Variants in NIPSNAP1 observed in about 807,000 individuals in gnomAD.
The protein encoded by NIPSNAP1 is nipsnap homolog 1.
A neutral mutation model predicts 49.2 loss-of-function variants in NIPSNAP1; 25 were observed. The observed-to-expected ratio is 0.51, with a 90% CI of 0.37 to 0.71. The LOEUF (loss-of-function observed/expected upper bound fraction) is 0.71, where lower values mean the gene tolerates loss of function less well. NIPSNAP1 is among the 30% of genes least tolerant of loss of function. The pLI is 0.00. For synonymous variants in NIPSNAP1, 143 were observed against 140.7 expected, an observed-to-expected ratio of 1.02 and a Z score of -0.12; for missense variants, 294 against 361.0, an observed-to-expected ratio of 0.81 and a Z score of 1.50.
At chr22:29,576,873 C>T (rs1307981648) in intron 1 of NIPSNAP1, among the ~76,000 whole-genome samples, 2 of 149,724 alleles carry the variant, frequency 1.3e-5, no homozygotes, top group African/African-American at 2.5e-5. Context: ...TGCAGTGAGC[C>T]GAAATCGCGC....
chr22:29,578,929 A>G (rs2064475580), intron 1 of NIPSNAP1, among the ~76,000 whole-genome samples: 1 of 151,202 alleles, frequency 6.6e-6, no homozygotes, highest in Admixed American at 6.6e-5. Flanking sequence ...TGGAAAACAA[A>G]GGGCTCATAA....
intron 1 of NIPSNAP1, among the ~76,000 whole-genome samples, chr22:29,571,111 CCT>C (rs1204079444): frequency 1.3e-5 from 2 of 152,180 alleles, no homozygotes; most frequent in African/African-American, 4.8e-5. Context: ...ATGTCCCCAC[CCT>C]GACCCCACAC....
chr22:29,555,751 G>A lies in NIPSNAP1; in HGVS notation c.*184C>T, dbSNP rs1467421348. On this transcript the variant is annotated 3_prime_UTR_variant, in exon 10 of 10. Transcript: ENST00000216121. ...GGGAGGCAGGCAGGGAAAGTAGAAA[G>A]GGCCTGGGCAGAGCTGTAATCCTCA... is the stretch of plus-strand genomic sequence containing the variant. The A allele has an allele frequency of 1.3e-5, 8 of 625,792 alleles. No homozygotes were observed. Among genetic ancestry groups the A allele is most frequent in the Non-Finnish European group, 2.3e-5 (8 of 340,658 alleles). 38.8% of individuals were successfully genotyped at this position (625,792 alleles called of 1,614,324 possible).
chr22:29,570,966 C>T (rs963531588), intron 1 of NIPSNAP1, among the ~76,000 whole-genome samples: 1 of 152,064 alleles, frequency 6.6e-6, no homozygotes, highest in Non-Finnish European at 1.5e-5. Flanking sequence ...CACCTGTACA[C>T]CTCACTCTCC....
intron 1 of NIPSNAP1, among the ~76,000 whole-genome samples, chr22:29,574,279 A>G (rs2348680): frequency 0.37 from 35,754 of 95,516 alleles, 6,207 homozygotes; most frequent in East Asian, 0.48. Context: ...AAAAAAAAAA[A>G]AAAAAAAAAA....
intron 4 of NIPSNAP1, among the ~76,000 whole-genome samples, chr22:29,563,073 TG>T (rs1369887542): frequency 1.0e-4 from 15 of 149,176 alleles, no homozygotes; most frequent in African/African-American, 3.7e-4. Flanking sequence ...CACTCCAGCC[TG>T]GACAACAGAG....
rs745429911 is a variant in NIPSNAP1, at chr22:29,570,514, A to G, written c.117T>C (p.Asn39=). The G allele has an allele frequency of 7.4e-6, 12 of 1,613,710 alleles. No homozygotes were observed. The East Asian group carries it at 2.5e-4, about 33-fold the overall frequency. ...AGAGGGAGCGGAACCAGCTGCCTTC[A>G]TTGTCCTTGGAATAGAAACTGCAGG... ...AAAARFYSKD[N]EGSWFRSLFV... The change falls in exon 2 of 10, where the codon AAT becomes AAC. Residue 39 remains asparagine (N), a synonymous_variant. Transcript: ENST00000216121.
intron 1 of NIPSNAP1, among the ~76,000 whole-genome samples, chr22:29,576,690 C>T (rs1351130423): frequency 2.0e-5 from 3 of 151,376 alleles, no homozygotes; most frequent in African/African-American, 7.4e-5. Context: ...CTTTGGGAAG[C>T]CGAGGCGGGT....
At chr22:29,576,106 C>A (rs890358099) in intron 1 of NIPSNAP1, among the ~76,000 whole-genome samples, 1 of 151,074 alleles carries the variant, frequency 6.6e-6, no homozygotes, top group Non-Finnish European at 1.5e-5. Flanking sequence ...GCAACCTCCA[C>A]CTCCTGGGTT....
At chr22:29,561,914 T>C (rs1205649114) in intron 4 of NIPSNAP1, 52 bp from the exon 5 acceptor site, 4 of 1,584,070 alleles carry the variant, frequency 2.5e-6, no homozygotes, top group Admixed American at 3.3e-5. Flanking sequence ...CCCCAGCAGA[T>C]GACCTCCTCA....
chr22:29,561,383 C>T, intron 6 of NIPSNAP1, 123 bp downstream of exon 6: 1 of 1,496,342 alleles, frequency 6.7e-7, no homozygotes, highest in Non-Finnish European at 9.3e-7. Flanking sequence ...GTGTATACAA[C>T]TCTGCTCTGA....
At chr22:29,573,854 G>A (rs1011632583) in intron 1 of NIPSNAP1, among the ~76,000 whole-genome samples, 18 of 151,694 alleles carry the variant, frequency 1.2e-4, no homozygotes, top group African/African-American at 2.2e-4. Flanking sequence ...TGGGAAGATC[G>A]CTTGAACCCA....
intron 9 of NIPSNAP1, 95 bp from the exon 10 acceptor site, chr22:29,556,094 G>T: frequency 9.5e-7 from 1 of 1,051,514 alleles, no homozygotes; most frequent in Non-Finnish European, 1.4e-6. Context: ...TGAGTGGGCA[G>T]GAGGAGGCCC....
chr22:29,560,688 A>G, intron 8 of NIPSNAP1, 46 bp downstream of exon 8: 1 of 1,479,832 alleles, frequency 6.8e-7, no homozygotes, highest in Non-Finnish European at 9.5e-7. Flanking sequence ...GAGTGATGAC[A>G]GAGAAAGAGA....
chr22:29,577,583 C>G (rs1232237013), intron 1 of NIPSNAP1, among the ~76,000 whole-genome samples: 1 of 150,906 alleles, frequency 6.6e-6, no homozygotes, highest in Non-Finnish European at 1.5e-5. Flanking sequence ...CCACGCCCAA[C>G]TAATTTTTGT....
At chr22:29,580,346 A>C in intron 1 of NIPSNAP1, 1 of 879,416 alleles carries the variant, frequency 1.1e-6, no homozygotes, top group Non-Finnish European at 1.4e-6. Flanking sequence ...GCCCAAACAA[A>C]AGCCCAGGCT....
intron 1 of NIPSNAP1, among the ~76,000 whole-genome samples, chr22:29,572,806 T>TAA (rs695508): frequency 1.3e-5 from 2 of 150,372 alleles, no homozygotes; most frequent in African/African-American, 4.9e-5. Context: ...CTCAAAAAAA[T>TAA]AAAATAAAAT....
intron 1 of NIPSNAP1, among the ~76,000 whole-genome samples, chr22:29,579,318 CAG>C (rs1433409538): frequency 9.6e-6 from 1 of 103,650 alleles, no homozygotes; most frequent in Non-Finnish European, 1.8e-5. Context: ...TTTTTTGAGA[CAG>C]AGTCTCACTC....
intron 3 of NIPSNAP1, 59 bp downstream of exon 3, chr22:29,570,103 G>A: frequency 6.9e-7 from 1 of 1,451,238 alleles, no homozygotes. Flanking sequence ...CCGCAAATTT[G>A]CTGAAAGTGT....
Sources: allele counts gnomAD v4.1 joint callset (sites outside exome capture counted in the v4.1 genomes callset), GRCh38; gene constraint gnomAD v4.1.1; transcripts MANE v1.5; gene names NCBI Gene and HGNC (gene_info 2026-07-23, HGNC 2026-07-21).